The following CFAP298 variants were observed in gnomAD, a reference collection of about 807,000 sequenced individuals.
CFAP298 encodes the protein cilia and flagella associated protein 298.
CFAP298 carries 38 observed loss-of-function variants against 41.0 expected under a neutral mutation model. The observed-to-expected ratio is 0.93, with a 90% confidence interval of 0.72 to 1.22. The LOEUF (loss-of-function observed/expected upper bound fraction) is 1.22. Ranked by LOEUF, CFAP298 falls within the 50% of genes most tolerant of loss-of-function variation. The pLI is 0.00. For missense variants in CFAP298, 348 were observed against 360.3 expected, an observed-to-expected ratio of 0.97 and a Z score of 0.28; for synonymous variants, 137 against 135.3, an observed-to-expected ratio of 1.01 and a Z score of -0.09.
chr21:32,599,576 C>T lies in CFAP298; in HGVS notation c.*2287G>A. Reference sequence around the variant, plus strand: ...ACTTAAGCTGATCAGTGGTCTAACACTGGCAAGATTACTTTTGTTGATAAA... The same window carrying T: ...ACTTAAGCTGATCAGTGGTCTAACATTGGCAAGATTACTTTTGTTGATAAA... On this transcript the variant is annotated 3_prime_UTR_variant, in exon 7 of 7. Coordinates refer to ENST00000290155, the MANE Select transcript of CFAP298 (RefSeq NM_021254.4). Among the ~76,000 whole-genome samples the T allele has an allele frequency of 6.6e-6, 1 of 152,198 alleles. No individual in the cohort carries two copies. Among genetic ancestry groups the T allele is most frequent in the Non-Finnish European group, 1.5e-5 (1 of 68,026 alleles).
intron 3 of CFAP298, 159 bp from the exon 4 acceptor site, chr21:32,604,442 A>G: frequency 1.3e-6 from 1 of 747,578 alleles, no homozygotes; most frequent in Non-Finnish European, 2.2e-6. Flanking sequence ...TCAGGGGCTG[A>G]GCGAAGCACA....
intron 4 of CFAP298, among the ~76,000 whole-genome samples, chr21:32,603,813 T>C (rs2038806613): frequency 6.6e-6 from 1 of 151,882 alleles, no homozygotes; most frequent in Non-Finnish European, 1.5e-5. Flanking sequence ...CGCATTTGGG[T>C]AGAAATAGGA....
rs887008898 is a variant in CFAP298 at position 32,609,072 on chromosome 21, G to A, written c.307+766C>T. Among the ~76,000 whole-genome samples the A allele has an allele frequency of 6.6e-5, 10 of 152,282 alleles. No individual in the cohort carries two copies. In the South Asian group the frequency reaches 1.5e-3, roughly 22 times the overall value. ...AGAGGAATTTCCTCAGTGTTTTGCC[G>A]TGTACTGAAGTGCTCTGCCCCAGAG... On this transcript the variant is annotated intron_variant, in intron 2 of 6. Coordinates refer to ENST00000290155, the MANE Select transcript of CFAP298 (RefSeq NM_021254.4).
At chr21:32,602,804 C>T (rs750723764) in intron 5 of CFAP298, 11 of 1,367,292 alleles carry the variant, frequency 8.0e-6, no homozygotes, top group Non-Finnish European at 1.0e-5. Context: ...CTTTCCTCCT[C>T]CCCCTCCTGT....
intron 2 of CFAP298, among the ~76,000 whole-genome samples, chr21:32,608,938 G>A (rs1249417662): frequency 6.6e-6 from 1 of 152,132 alleles, no homozygotes; most frequent in Non-Finnish European, 1.5e-5. Context: ...AGTGTTTTAG[G>A]GCTGTTCAAT....
In CFAP298 at chr21:32,612,230, TGCA is replaced by T. The variant is rs752480864; in HGVS notation, c.11_13del (p.Leu4del). On this transcript the variant is annotated inframe_deletion, in exon 1 of 7. Coordinates refer to ENST00000290155, the MANE Select transcript of CFAP298 (RefSeq NM_021254.4). Reference sequence around the variant, plus strand: ...CTGGCTCTCGTCGCCCCGCTTCACGTGCAGCAGAACCATGGCGGTCCCGCCGAG... The same window carrying T: ...CTGGCTCTCGTCGCCCCGCTTCACGTGCAGAACCATGGCGGTCCCGCCGAG... 1.9e-6 allele frequency: 3 copies of T among 1,606,342 alleles called. No homozygotes were observed. The highest frequency in any genetic ancestry group is 2.7e-5 in the African/African-American group (2 of 74,780).
At chr21:32,607,177 G>C (rs986800963) in intron 3 of CFAP298, among the ~76,000 whole-genome samples, 2 of 152,140 alleles carry the variant, frequency 1.3e-5, no homozygotes, top group Admixed American at 6.5e-5. Flanking sequence ...CAACCGTCAG[G>C]ATTATGAAAG....
In CFAP298 at chr21:32,603,202, C is replaced by T. The variant is rs1290615120; in HGVS notation, c.625G>A (p.Gly209Arg). Residue 209 changes from glycine to arginine, a missense_variant, in exon 5 of 7, where the codon GGG becomes AGG. Gly to Arg is a moderately radical substitution (Grantham distance 125). Transcript: ENST00000290155. ...ATAATTTTGGTTTTTTCATTCTTCC[C>T]CACGTAGTCTGAAAGCTTCTTCGTT... ...RRTKKLSDYV[G>R]KNEKTKIIAK... 1 of 1,614,194 alleles carries T rather than the reference C, an allele frequency of 6.2e-7. No individual in the cohort carries two copies. Among genetic ancestry groups the T allele is most frequent in the East Asian group, 2.2e-5 (1 of 44,878 alleles).
At position 32,600,403 on chromosome 21, in the gene CFAP298, C is replaced by G. The variant is rs2038715868; in HGVS notation, c.*1460G>C. ...GGCAGGAACCAAACCCCTGCCACCTCCACTCACTCCCAGGGTTCCTCTTTG... is the reference window on the plus strand; with the variant it reads ...GGCAGGAACCAAACCCCTGCCACCTGCACTCACTCCCAGGGTTCCTCTTTG... On this transcript the variant is annotated 3_prime_UTR_variant, in exon 7 of 7. Transcript: ENST00000290155. Among the ~76,000 whole-genome samples, 1 of 152,222 alleles carries G rather than the reference C, an allele frequency of 6.6e-6. No individual in the cohort carries two copies. Among genetic ancestry groups the G allele is most frequent in the African/African-American group, 2.4e-5 (1 of 41,462 alleles).
intron 3 of CFAP298, among the ~76,000 whole-genome samples, chr21:32,605,133 CGT>C (rs1188463738): frequency 6.6e-6 from 1 of 152,152 alleles, no homozygotes; most frequent in Middle Eastern, 3.2e-3. Context: ...AAGCCAAAAT[CGT>C]GCCACTGCAC....
Position 32,611,338 on chromosome 21 carries a change from T to TAA in CFAP298, c.139+765_139+766dup, listed in dbSNP as rs1555884108. Among the ~76,000 whole-genome samples the TAA allele has an allele frequency of 8.3e-5, 11 of 132,378 alleles. 1 individual carries two copies. Among genetic ancestry groups the TAA allele is most frequent in the South Asian group, 2.4e-4 (1 of 4,138 alleles). 86.8% of individuals were successfully genotyped at this position (132,378 alleles called of 152,430 possible). On this transcript the variant is annotated intron_variant, in intron 1 of 6. Transcript: ENST00000290155. ...CATACCATATATATATATATATATA[T>TAA]AATTTATTTATATTTATATATACAT...
rs75400278 is a variant in CFAP298, at chr21:32,607,593, C to A, written c.375+56G>T. ...GGGCAACAAAAGCAAAATTCCATCT[C>A]CAAAAAAAAAAAAAAAAACCCAACA... On this transcript the variant is annotated intron_variant, in intron 3 of 6. Coordinates refer to ENST00000290155, the MANE Select transcript of CFAP298 (RefSeq NM_021254.4). The A allele has an allele frequency of 4.4e-4, 436 of 984,730 alleles. 2 individuals are homozygous for A. The highest frequency in any genetic ancestry group is 6.6e-4 in the Middle Eastern group (2 of 3,048). 61.0% of individuals were successfully genotyped at this position (984,730 alleles called of 1,614,324 possible).
chr21:32,602,276 A>T lies in CFAP298; in HGVS notation c.758T>A (p.Leu253His). The T allele has an allele frequency of 6.2e-7, 1 of 1,613,944 alleles. No individual in the cohort carries two copies. The highest frequency in any genetic ancestry group is 8.5e-7 in the Non-Finnish European group (1 of 1,179,964). Residue 253 changes from leucine to histidine, a missense_variant, in exon 6 of 7, where the codon CTC becomes CAC. Coordinates refer to ENST00000290155, the MANE Select transcript of CFAP298 (RefSeq NM_021254.4). Reference sequence around the variant, plus strand: ...AGCCCATCTGTCCCCTGCTACCTTGAGCTCCTCTTGTCTTCTGTGATAGTA... The same window carrying T: ...AGCCCATCTGTCCCCTGCTACCTTGTGCTCCTCTTGTCTTCTGTGATAGTA... ...MLYYHRRQEELKRLEENDDDA... is the reference protein window; with the variant it reads ...MLYYHRRQEEHKRLEENDDDA...
intron 2 of CFAP298, among the ~76,000 whole-genome samples, chr21:32,608,915 T>C (rs1312945515): frequency 1.3e-5 from 2 of 149,924 alleles, no homozygotes; most frequent in Non-Finnish European, 2.9e-5. Context: ...AATACTGTTC[T>C]TTTACTCCTA....
rs532512159 is a variant in CFAP298 at position 32,601,149 on chromosome 21, T to TACAA, written c.*713_*714insTTGT. On this transcript the variant is annotated 3_prime_UTR_variant, in exon 7 of 7. Coordinates refer to ENST00000290155, the MANE Select transcript of CFAP298 (RefSeq NM_021254.4). ...CTGGGAGTTCAGCTTCCAATAGATCTAGAGGGCCAGGAGAAAAAGCATGCT... is the reference window on the plus strand; with the variant it reads ...CTGGGAGTTCAGCTTCCAATAGATCTACAAAGAGGGCCAGGAGAAAAAGCATGCT... 2.2e-3 allele frequency among the ~76,000 whole-genome samples: 330 copies of TACAA among 152,134 alleles called. No individual in the cohort carries two copies. The highest frequency in any genetic ancestry group is 6.9e-3 in the African/African-American group (287 of 41,490).
In CFAP298 at chr21:32,612,202, G is replaced by T. The variant is rs759504544; in HGVS notation, c.42C>A (p.Phe14Leu). The T allele has an allele frequency of 6.2e-7, 1 of 1,609,402 alleles. No homozygotes were observed. The highest frequency in any genetic ancestry group is 8.5e-7 in the Non-Finnish European group (1 of 1,178,618). ...LHVKRGDESQ[F>L]LLQAPGSTEL... ...CGGTACTCCCAGGCGCCTGCAGCAG[G>T]AACTGGCTCTCGTCGCCCCGCTTCA... Residue 14 changes from phenylalanine (F) to leucine (L), a missense_variant, in exon 1 of 7, where the codon TTC becomes TTA. Transcript: ENST00000290155.
In CFAP298 at chr21:32,601,762, T is replaced by C. The variant is rs572205281; in HGVS notation, c.*101A>G. On this transcript the variant is annotated 3_prime_UTR_variant, in exon 7 of 7. Transcript: ENST00000290155. Reference sequence around the variant, plus strand: ...AAGAAAACTAGAAATGTTAACATCTTTTACAGAGGGCAGTAAGTGGCCTTT... The same window carrying C: ...AAGAAAACTAGAAATGTTAACATCTCTTACAGAGGGCAGTAAGTGGCCTTT... 19 of 646,276 alleles carry C rather than the reference T, an allele frequency of 2.9e-5. No individual in the cohort carries two copies. In the South Asian group the frequency reaches 3.7e-4, roughly 12 times the overall value. 40.0% of individuals were successfully genotyped at this position (646,276 alleles called of 1,614,324 possible).
At chr21:32,605,046 G>A (rs1939121291) in intron 3 of CFAP298, among the ~76,000 whole-genome samples, 1 of 152,226 alleles carries the variant, frequency 6.6e-6, no homozygotes, top group Non-Finnish European at 1.5e-5. Flanking sequence ...GGGCGTGGTG[G>A]CAGGTGCCTG....
chr21:32,605,384 A>C (rs2038845384), intron 3 of CFAP298, among the ~76,000 whole-genome samples: 1 of 152,160 alleles, frequency 6.6e-6, no homozygotes. Flanking sequence ...GCTTGTGCTA[A>C]TACAGTAACC....
Sources: allele counts gnomAD v4.1 joint callset (sites outside exome capture counted in the v4.1 genomes callset), GRCh38; gene constraint gnomAD v4.1.1; transcripts MANE v1.5; gene names NCBI Gene and HGNC (gene_info 2026-07-23, HGNC 2026-07-21).